The following BPIFB4 variants were observed in gnomAD, a reference collection of about 807,000 sequenced individuals.
BPIFB4 encodes the protein BPI fold-containing family B member 4.
BPIFB4 carries 62 observed loss-of-function variants against 69.2 expected under a neutral mutation model. The ratio of observed to expected loss-of-function variants is 0.90; its 90% CI spans 0.73 to 1.11. The LOEUF is 1.11. Ranked by LOEUF, BPIFB4 falls within the 50% of genes least tolerant of loss-of-function variation. The probability of loss-of-function intolerance (pLI) is 0.00; values close to 1 mark genes in which losing one functional copy is unlikely to be tolerated. For synonymous variants in BPIFB4, 330 were observed against 332.7 expected (o/e 0.99, Z 0.09); for missense variants, 789 against 792.0 (o/e 1.00, Z 0.04).
chr20:33,097,788 G>A lies in BPIFB4; in HGVS notation c.1569+1G>A. The stretch of plus-strand genomic sequence containing the variant: ...GACTACCATCTGCCTCATTGACGTG[G>A]TGAGTGTCTGGAGGTACTGGTGGCC... On this transcript the variant is annotated splice_donor_variant, in intron 13 of 17. Transcript: ENST00000375483. LOFTEE classifies it high-confidence loss of function. The A allele has an allele frequency of 1.9e-6, 3 of 1,609,438 alleles. No individual in the cohort carries two copies. The highest frequency in any genetic ancestry group is 2.5e-6 in the Non-Finnish European group (3 of 1,177,652).
At chr20:33,091,323 C>T (rs1434503166) in intron 10 of BPIFB4, among the ~76,000 whole-genome samples, 1 of 152,232 alleles carries the variant, frequency 6.6e-6, no homozygotes, top group Non-Finnish European at 1.5e-5. Flanking sequence ...TCAAAACTCC[C>T]ATCATGGACA....
Position 33,088,989 on chromosome 20 carries a change from A to G in BPIFB4, c.950A>G (p.Asn317Ser), listed in dbSNP as rs1476181468. ...AGGCTTCTCCCCAATCTCGTGGACA[A>G]TTTAGTGAACCGAGTCCTGGCCGAC... is the stretch of plus-strand genomic sequence containing the variant. ...LRGLLPNLVD[N>S]LVNRVLADVL... Residue 317 changes from asparagine to serine, a missense_variant, in exon 8 of 18, where the codon AAT (asparagine) becomes AGT (serine). This residue lies in a region of BPIFB4 where 611 missense variants were observed against 575.4 expected (regional missense o/e 1.06). Transcript: ENST00000375483. 1 of 1,613,802 alleles carries G rather than the reference A, an allele frequency of 6.2e-7. No individual in the cohort carries two copies. The highest frequency in any genetic ancestry group is 8.5e-7 in the Non-Finnish European group (1 of 1,179,794).
intron 12 of BPIFB4, among the ~76,000 whole-genome samples, chr20:33,096,187 A>T (rs182791218): frequency 9.2e-5 from 14 of 152,102 alleles, no homozygotes; most frequent in Non-Finnish European, 1.6e-4. Flanking sequence ...CAGCAGGTGG[A>T]CCCCTCAATC....
chr20:33,093,535 C>T (rs1981670411), intron 11 of BPIFB4, among the ~76,000 whole-genome samples: 1 of 149,926 alleles, frequency 6.7e-6, no homozygotes, highest in Non-Finnish European at 1.5e-5. Context: ...TCCATCCACT[C>T]ATCAACCCAC....
chr20:33,105,523 AG>A (rs1982024209), intron 16 of BPIFB4, among the ~76,000 whole-genome samples: 1 of 152,164 alleles, frequency 6.6e-6, no homozygotes, highest in Non-Finnish European at 1.5e-5. Flanking sequence ...GTTACTGGGA[AG>A]GCTGCTTGTT....
chr20:33,107,860 C>A (rs1157252522), intron 17 of BPIFB4, 40 bp downstream of exon 17: 3 of 1,551,048 alleles, frequency 1.9e-6, no homozygotes, highest in East Asian at 4.5e-5. Flanking sequence ...TTCCTCCCTG[C>A]CCTTTGCTCA....
chr20:33,083,359 C>T lies in BPIFB4; in HGVS notation c.170-8C>T. The T allele has an allele frequency of 6.2e-7, 1 of 1,610,264 alleles. No individual in the cohort carries two copies. The highest frequency in any genetic ancestry group is 8.5e-7 in the Non-Finnish European group (1 of 1,177,542). The stretch of plus-strand genomic sequence containing the variant: ...ACAATGACTACAGACGCATTGAATT[C>T]CCCCGAGGTGTTGGTGATATTCCCT... On this transcript the variant is annotated splice_region_variant and splice_polypyrimidine_tract_variant and intron_variant, in intron 4 of 17. Transcript: ENST00000375483.
At position 33,107,799 on chromosome 20, in the gene BPIFB4, T is replaced by C. The variant is rs1318713014; in HGVS notation, c.1800T>C (p.Asn600=). 3.7e-6 allele frequency: 6 copies of C among 1,613,942 alleles called. No individual in the cohort carries two copies. Among genetic ancestry groups the C allele is most frequent in the Non-Finnish European group, 4.2e-6 (5 of 1,179,914 alleles). The change falls in exon 17 of 18, where the codon AAT becomes AAC. Residue 600 remains asparagine (N), a synonymous_variant. Transcript: ENST00000375483. ...AAATCCTCAACATCGACTTTAGCAA[T>C]GCAGACATTGACGTGTTGGAGGTAA... The part of the protein sequence containing the change: ...LPKILNIDFS[N]ADIDVLEDLL...
chr20:33,085,034 T>C (rs1981382682), intron 6 of BPIFB4, 38 bp downstream of exon 6: 2 of 1,593,252 alleles, frequency 1.3e-6, no homozygotes, highest in East Asian at 2.3e-5. Context: ...CCCACCACCC[T>C]ATGGCCCAAC....
chr20:33,083,698 C>T lies in BPIFB4; in HGVS notation c.501C>T (p.Gly167=). The change falls in exon 5 of 18, where the codon GGC becomes GGT. Residue 167 remains glycine (G), a synonymous_variant. Transcript: ENST00000375483. The part of the protein sequence containing the change: ...IPPGVATGAV[G]PGGLLGTGGM... ...CTGGAGTTGCCACTGGGGCGGTGGG[C>T]CCAGGTGGTTTGCTGGGCACTGGAG... 2 of 1,613,964 alleles carry T rather than the reference C, an allele frequency of 1.2e-6. No homozygotes were observed. Among genetic ancestry groups the T allele is most frequent in the Non-Finnish European group, 1.7e-6 (2 of 1,179,968 alleles).
chr20:33,100,865 A>G (rs1488493737), intron 14 of BPIFB4, among the ~76,000 whole-genome samples: 4 of 152,176 alleles, frequency 2.6e-5, no homozygotes, highest in African/African-American at 7.2e-5. Flanking sequence ...AAATAGAAAA[A>G]TTAGCTGGGC....
intron 15 of BPIFB4, 167 bp from the exon 16 acceptor site, chr20:33,104,643 G>A (rs1310838220): frequency 1.2e-5 from 7 of 605,730 alleles, no homozygotes; most frequent in Non-Finnish European, 5.7e-6. Context: ...GGCACCTTAA[G>A]GCTGCCGGTG....
At chr20:33,098,957 G>A (rs1981830782) in intron 13 of BPIFB4, among the ~76,000 whole-genome samples, 2 of 151,126 alleles carry the variant, frequency 1.3e-5, no homozygotes, top group South Asian at 4.2e-4. Flanking sequence ...TCTTCCCCCA[G>A]GTATCTGCAC....
intron 1 of BPIFB4, among the ~76,000 whole-genome samples, 159 bp from the exon 2 acceptor site, chr20:33,080,308 ACT>A (rs1981191877): frequency 6.6e-6 from 1 of 152,018 alleles, no homozygotes; most frequent in Non-Finnish European, 1.5e-5. Flanking sequence ...CCCTGTGCTG[ACT>A]CTCTGAGGTT....
chr20:33,108,827 AT>A, intron 17 of BPIFB4, among the ~76,000 whole-genome samples: 1 of 152,380 alleles, frequency 6.6e-6, no homozygotes, highest in African/African-American at 2.4e-5. Flanking sequence ...ATCTCAATGC[AT>A]AAACTGTTTC....
At chr20:33,104,642 A>C (rs1981993303) in intron 15 of BPIFB4, 168 bp from the exon 16 acceptor site, 1 of 603,074 alleles carries the variant, frequency 1.7e-6, no homozygotes. Context: ...GGGCACCTTA[A>C]GGCTGCCGGT....
intron 14 of BPIFB4, 151 bp downstream of exon 14, chr20:33,100,644 C>A: frequency 1.5e-6 from 1 of 649,772 alleles, no homozygotes. Flanking sequence ...CCTACCATTA[C>A]CACTGTCACA....
intron 17 of BPIFB4, among the ~76,000 whole-genome samples, chr20:33,109,972 G>T (rs1021966313): frequency 6.6e-6 from 1 of 152,096 alleles, no homozygotes; most frequent in South Asian, 2.1e-4. Flanking sequence ...CAGAAAAGTT[G>T]CAAACATAGT....
Position 33,089,614 on chromosome 20 carries a change from C to T in BPIFB4, c.1051+56C>T, listed in dbSNP as rs928671983. The T allele has an allele frequency of 1.6e-5, 26 of 1,612,940 alleles. No individual in the cohort carries two copies. The Admixed American group carries it at 4.0e-4, about 25-fold the overall frequency. On this transcript the variant is annotated intron_variant, in intron 9 of 17. Transcript: ENST00000375483. ...GAAGGCACTGAGGACCGGGCCCTTT[C>T]TGGGAGGAGGGCTCAATGTGGTGGG...
Sources: allele counts gnomAD v4.1 joint callset (sites outside exome capture counted in the v4.1 genomes callset), GRCh38; gene constraint gnomAD v4.1.1; regional missense constraint gnomAD v4.1.1; transcripts MANE v1.5; gene names NCBI Gene and HGNC (gene_info 2026-07-23, HGNC 2026-07-21).